The following TOMM70 variants were observed in gnomAD, a reference collection of about 807,000 sequenced individuals.
TOMM70 encodes mitochondrial import receptor subunit TOM70.
Under a neutral mutation model 73.6 loss-of-function variants are expected in TOMM70, and 13 were observed. That is an observed-to-expected ratio of 0.18 (90% confidence interval 0.11 to 0.28). TOMM70 has a LOEUF of 0.28. Among genes scored for constraint, TOMM70 ranks in the 10% least tolerant of loss-of-function variants. The probability of loss-of-function intolerance (pLI) is 1.00; values close to 1 mark genes in which losing one functional copy is unlikely to be tolerated. For missense variants in TOMM70, 609 were observed against 747.5 expected, an observed-to-expected ratio of 0.81 and a Z score of 2.16; for synonymous variants, 257 against 271.2, an observed-to-expected ratio of 0.95 and a Z score of 0.51.
At chr3:100,381,369 T>C (rs141111771) in intron 5 of TOMM70, among the ~76,000 whole-genome samples, 45 of 152,284 alleles carry the variant, frequency 3.0e-4, no homozygotes, top group African/African-American at 1.1e-3. Context: ...TATAGGACCT[T>C]GAGTAAAAGC....
intron 11 of TOMM70, among the ~76,000 whole-genome samples, 185 bp downstream of exon 11, chr3:100,367,859 C>T (rs962795793): frequency 6.6e-6 from 1 of 152,198 alleles, no homozygotes; most frequent in Non-Finnish European, 1.5e-5. Flanking sequence ...GAGGAGGGTC[C>T]AGATTTTCTG....
Position 100,373,617 on chromosome 3 carries a change from T to G in TOMM70, c.1256A>C (p.Glu419Ala). 6 of 1,613,022 alleles carry G rather than the reference T, an allele frequency of 3.7e-6. No individual in the cohort carries two copies. Among genetic ancestry groups the G allele is most frequent in the Non-Finnish European group, 5.1e-6 (6 of 1,179,488 alleles). The change falls in exon 8 of 12, where the codon GAA becomes GCA. Residue 419 changes from glutamate (E) to alanine (A), a missense_variant. Transcript: ENST00000284320. ...ACATTCATCAAAATCTGCCACTGCT[T>G]CTTCAACTTGATCAAGGAGTATTTT... is the stretch of plus-strand genomic sequence containing the variant. ...QLKILLDQVE[E>A]AVADFDECIR...
Position 100,400,636 on chromosome 3 carries a change from T to C in TOMM70, c.314A>G (p.His105Arg). Residue 105 changes from histidine to arginine, a missense_variant, in exon 1 of 12, where the codon CAC (histidine) becomes CGC (arginine). Coordinates refer to ENST00000284320, the MANE Select transcript of TOMM70 (RefSeq NM_014820.5). ...GGGGCTGCTTCTCACCATGTCCAAG[T>C]GAGCACCGGGACCTTCAGGGTGTCC... ...GSGHPEGPGA[H>R]LDMNSLDRAQ... The C allele has an allele frequency of 6.2e-7, 1 of 1,612,030 alleles. No homozygotes were observed. Among genetic ancestry groups the C allele is most frequent in the Non-Finnish European group, 8.5e-7 (1 of 1,179,504 alleles).
At chr3:100,377,015 T>C (rs1424857270) in intron 6 of TOMM70, among the ~76,000 whole-genome samples, 4 of 148,022 alleles carry the variant, frequency 2.7e-5, no homozygotes, top group Non-Finnish European at 4.4e-5. Flanking sequence ...ATTTAGGTCT[T>C]AAAACAACTT....
intron 6 of TOMM70, among the ~76,000 whole-genome samples, chr3:100,375,762 T>C (rs188480418): frequency 6.6e-6 from 1 of 152,334 alleles, no homozygotes; most frequent in Non-Finnish European, 1.5e-5. Flanking sequence ...TTTGCTACGT[T>C]ACCCAGGGTA....
chr3:100,369,790 C>T (rs780627563), intron 9 of TOMM70, among the ~76,000 whole-genome samples: 4 of 152,000 alleles, frequency 2.6e-5, no homozygotes, highest in African/African-American at 7.2e-5. Context: ...AGTGAGCCAC[C>T]GCACCTGGCC....
chr3:100,390,475 G>GT (rs1313034015), intron 1 of TOMM70, among the ~76,000 whole-genome samples: 2 of 152,326 alleles, frequency 1.3e-5, no homozygotes, highest in South Asian at 4.1e-4. Context: ...CACTACTCAT[G>GT]TATCTGTGGT....
chr3:100,380,254 A>G (rs1354803042), intron 5 of TOMM70, among the ~76,000 whole-genome samples: 1 of 152,146 alleles, frequency 6.6e-6, no homozygotes, highest in Non-Finnish European at 1.5e-5. Flanking sequence ...CTGAGGTGGG[A>G]GAATTGCTTG....
chr3:100,400,913 C>T lies in TOMM70; in HGVS notation c.37G>A (p.Ala13Thr). ...CTCCCGGAGCTCGGTACAGCGGCTG[C>T]GACCACCGCTGCCTCCACAGGTTTA... Reference protein sequence around the residue: ...ASKPVEAAVVAAAVPSSGSGV... With the variant: ...ASKPVEAAVVTAAVPSSGSGV... The change falls in exon 1 of 12, where the codon GCA becomes ACA. Residue 13 changes from alanine (A) to threonine (T), a missense_variant. This residue lies in a region of TOMM70 where 177 missense variants were observed against 163.5 expected (regional missense o/e 1.08). Transcript: ENST00000284320. The T allele has an allele frequency of 5.9e-6, 9 of 1,531,908 alleles. No individual in the cohort carries two copies. The highest frequency in any genetic ancestry group is 1.2e-5 in the South Asian group (1 of 83,954). The allele number at this position is 1,531,908 out of a possible 1,614,324, so 94.9% of individuals were successfully genotyped here.
At chr3:100,385,142 A>G (rs1706676037) in intron 3 of TOMM70, among the ~76,000 whole-genome samples, 1 of 152,236 alleles carries the variant, frequency 6.6e-6, no homozygotes, top group South Asian at 2.1e-4. Context: ...TTCCCGAATT[A>G]AATTTCTTGC....
chr3:100,386,910 T>C lies in TOMM70; in HGVS notation c.393A>G (p.Glu131=), dbSNP rs1226183777. The C allele has an allele frequency of 6.2e-7, 1 of 1,614,158 alleles. No individual in the cohort carries two copies. The highest frequency in any genetic ancestry group is 8.5e-7 in the Non-Finnish European group (1 of 1,180,018). ...CCTCAGTATAGCACTGAATAGCTTG[T>C]TCATATTTTCCTGCTTTAAAATATT... is the stretch of plus-strand genomic sequence containing the variant. The part of the protein sequence containing the change: ...GNKYFKAGKY[E]QAIQCYTEAI... Residue 131 remains glutamate (E), a synonymous_variant, in exon 2 of 12, where the codon GAA becomes GAG. Transcript: ENST00000284320.
chr3:100,383,055 T>G (rs1036303236), intron 4 of TOMM70, among the ~76,000 whole-genome samples: 3 of 152,178 alleles, frequency 2.0e-5, no homozygotes, highest in Non-Finnish European at 4.4e-5. Context: ...TATACATTAT[T>G]TTATATTTTC....
chr3:100,371,082 T>A (rs969561845), intron 9 of TOMM70, among the ~76,000 whole-genome samples: 2 of 152,160 alleles, frequency 1.3e-5, no homozygotes, highest in Non-Finnish European at 2.9e-5. Flanking sequence ...ATATAAGACC[T>A]ACCTCTAAAG....
At position 100,373,859 on chromosome 3, in the gene TOMM70, C is replaced by T. The variant is rs144767631; in HGVS notation, c.1228-214G>A. 824 of 403,068 alleles carry T rather than the reference C, an allele frequency of 2.0e-3. 6 individuals carry two copies. Among genetic ancestry groups the T allele is most frequent in the African/African-American group, 0.015 (723 of 47,460 alleles). The allele number at this position is 403,068 out of a possible 1,614,324, so 25.0% of individuals were successfully genotyped here. Reference sequence around the variant, plus strand: ...GGTATCCAACTTATAGAAAGGACTACAAGCCAACCATTTCTGCCCTGCAAT... The same window carrying T: ...GGTATCCAACTTATAGAAAGGACTATAAGCCAACCATTTCTGCCCTGCAAT... On this transcript the variant is annotated intron_variant, in intron 7 of 11. Transcript: ENST00000284320.
At chr3:100,376,368 A>ATTTTTTTTTTTTTTTTTTTTTTTT (rs1559831461) in intron 6 of TOMM70, among the ~76,000 whole-genome samples, 3 of 107,904 alleles carry the variant, frequency 2.8e-5, no homozygotes, top group African/African-American at 6.1e-5. Context: ...TTCACACAGA[A>ATTTTTTTTTTTTTTTTTTTTTTTT]GTTTTTTTTT....
intron 1 of TOMM70, among the ~76,000 whole-genome samples, chr3:100,399,063 C>T (rs1339307807): frequency 6.6e-6 from 1 of 152,156 alleles, no homozygotes; most frequent in Non-Finnish European, 1.5e-5. Context: ...GGGCAGATCA[C>T]CTGAGGTCAG....
At chr3:100,392,374 A>G (rs555454620) in intron 1 of TOMM70, among the ~76,000 whole-genome samples, 2 of 152,344 alleles carry the variant, frequency 1.3e-5, no homozygotes, top group African/African-American at 4.8e-5. Context: ...TAATACACCA[A>G]AGAAAACATT....
chr3:100,374,888 A>C, intron 7 of TOMM70, 130 bp downstream of exon 7: 1 of 1,035,282 alleles, frequency 9.7e-7, no homozygotes, highest in Non-Finnish European at 1.3e-6. Context: ...ACTGTAAACC[A>C]CTGTGATACT....
chr3:100,392,565 G>A (rs568149949), intron 1 of TOMM70, among the ~76,000 whole-genome samples: 1 of 151,992 alleles, frequency 6.6e-6, no homozygotes, highest in South Asian at 2.1e-4. Flanking sequence ...ACAAGTGCAC[G>A]CCACCATGCC....
Sources: allele counts gnomAD v4.1 joint callset (sites outside exome capture counted in the v4.1 genomes callset), GRCh38; gene constraint gnomAD v4.1.1; regional missense constraint gnomAD v4.1.1; transcripts MANE v1.5; gene names NCBI Gene and HGNC (gene_info 2026-07-23, HGNC 2026-07-21).